NXN: variants seen among roughly 807,000 people sequenced by gnomAD.
The protein encoded by NXN is nucleoredoxin 1.
Under a neutral mutation model 48.6 loss-of-function variants are expected in NXN, and 16 were observed. The ratio of observed to expected loss-of-function variants is 0.33; its 90% CI spans 0.22 to 0.50. The LOEUF (loss-of-function observed/expected upper bound fraction) is 0.50. Among genes scored for constraint, NXN ranks in the 20% least tolerant of loss-of-function variants. NXN has a pLI of 0.98. For missense variants in NXN, 492 were observed against 605.5 expected (o/e 0.81, Z 1.97); for synonymous variants, 281 against 269.6 (o/e 1.04, Z -0.41).
At chr17:850,597 G>A (rs547906868) in intron 1 of NXN, among the ~76,000 whole-genome samples, 3 of 152,142 alleles carry the variant, frequency 2.0e-5, no homozygotes, top group Non-Finnish European at 4.4e-5. Flanking sequence ...GTGGGGCTGG[G>A]GGGCACCCAG....
chr17:974,311 A>G (rs1359401135), intron 1 of NXN, among the ~76,000 whole-genome samples: 1 of 151,918 alleles, frequency 6.6e-6, no homozygotes. Context: ...AGATCGCACC[A>G]CTGCACTCCA....
chr17:893,671 T>A (rs2068448266), intron 1 of NXN, among the ~76,000 whole-genome samples: 1 of 31,354 alleles, frequency 3.2e-5, no homozygotes, highest in Non-Finnish European at 5.8e-5. Context: ...AGAGGAAGCA[T>A]CTCAACTCCC....
chr17:842,501 G>A (rs1361638380), intron 1 of NXN: 27 of 985,216 alleles, frequency 2.7e-5, no homozygotes, highest in Non-Finnish European at 3.1e-5. Flanking sequence ...ATGAACACGG[G>A]GCCGCGTCTC....
chr17:904,522 A>T (rs906598045), intron 1 of NXN, among the ~76,000 whole-genome samples: 6 of 151,940 alleles, frequency 3.9e-5, no homozygotes. Flanking sequence ...ACAGGAACTC[A>T]CCCACATGGC....
intron 1 of NXN, among the ~76,000 whole-genome samples, chr17:946,526 G>T (rs2069045763): frequency 6.6e-6 from 1 of 152,188 alleles, no homozygotes; most frequent in Non-Finnish European, 1.5e-5. Context: ...TCTCCCTCTT[G>T]CAAGAGTCCG....
chr17:812,911 A>G (rs1362715634), intron 5 of NXN, among the ~76,000 whole-genome samples: 1 of 117,476 alleles, frequency 8.5e-6, no homozygotes, highest in Non-Finnish European at 1.8e-5. Flanking sequence ...TGCATGTGTG[A>G]CTGTAGGTGT....
intron 5 of NXN, among the ~76,000 whole-genome samples, chr17:807,566 C>T (rs561984066): frequency 7.9e-5 from 12 of 152,312 alleles, no homozygotes; most frequent in South Asian, 2.1e-4. Flanking sequence ...GACAGCATGG[C>T]GAGGACACGG....
intron 1 of NXN, among the ~76,000 whole-genome samples, chr17:845,500 C>T (rs546448096): frequency 1.4e-4 from 22 of 152,332 alleles, no homozygotes; most frequent in Admixed American, 1.3e-3. Context: ...CCATCATCAC[C>T]CTTACAGGCT....
At chr17:959,287 CA>C in intron 1 of NXN, 1 of 410,126 alleles carries the variant, frequency 2.4e-6, no homozygotes, top group South Asian at 4.8e-5. Flanking sequence ...TCCTGGAATG[CA>C]GGTATCATCA....
At chr17:916,389 C>T (rs2068688789) in intron 1 of NXN, among the ~76,000 whole-genome samples, 1 of 152,092 alleles carries the variant, frequency 6.6e-6, no homozygotes, top group African/African-American at 2.4e-5. Flanking sequence ...GGAAATGAGT[C>T]AAAGTCAAAT....
intron 1 of NXN, among the ~76,000 whole-genome samples, chr17:940,149 T>C (rs1481481375): frequency 5.3e-5 from 8 of 151,334 alleles, no homozygotes; most frequent in Non-Finnish European, 8.9e-5. Flanking sequence ...GGTCTCAGTA[T>C]GTTCCCCAGG....
chr17:858,160 G>A (rs1189022737), intron 1 of NXN, among the ~76,000 whole-genome samples: 1 of 151,588 alleles, frequency 6.6e-6, no homozygotes, highest in African/African-American at 2.4e-5. Flanking sequence ...GTGTAGAGAC[G>A]ACGTTTCACC....
intron 1 of NXN, among the ~76,000 whole-genome samples, chr17:937,246 G>A (rs777546988): frequency 6.6e-6 from 1 of 151,990 alleles, no homozygotes; most frequent in Admixed American, 6.6e-5. Context: ...GGCCTCCCAA[G>A]GTGCTGGGTG....
rs144557329 is a variant in NXN, at chr17:886,679, G to A, written c.361-60601C>T. Among the ~76,000 whole-genome samples the A allele has an allele frequency of 2.5e-3, 381 of 152,124 alleles. 16 individuals are homozygous for A. In the East Asian group the frequency reaches 0.063, roughly 25 times the overall value. On this transcript the variant is annotated intron_variant, in intron 1 of 7. Coordinates refer to ENST00000336868, the MANE Select transcript of NXN (RefSeq NM_022463.5). ...TGTAGTCCCAGCTACTCAGGAGACTGAGGCAGGAGAATCACTTCAACTCGG... is the reference window on the plus strand; with the variant it reads ...TGTAGTCCCAGCTACTCAGGAGACTAAGGCAGGAGAATCACTTCAACTCGG...
At chr17:858,896 C>T (rs2068014318) in intron 1 of NXN, among the ~76,000 whole-genome samples, 1 of 152,166 alleles carries the variant, frequency 6.6e-6, no homozygotes, top group African/African-American at 2.4e-5. Flanking sequence ...CGATTGCCCT[C>T]AGGCTTCTCT....
At position 838,196 on chromosome 17, in the gene NXN, A is replaced by G. The variant is rs186007783; in HGVS notation, c.361-12118T>C. ...GCCCAGGCTGGAGTGCAGTGGCTCG[A>G]TCTCTGCTCACCACAACCTCTGCCT... is the stretch of plus-strand genomic sequence containing the variant. On this transcript the variant is annotated intron_variant, in intron 1 of 7. Transcript: ENST00000336868. Among the ~76,000 whole-genome samples the G allele has an allele frequency of 9.2e-4, 116 of 125,612 alleles. 4 individuals carry two copies. The East Asian group carries it at 0.019, about 21-fold the overall frequency. The allele number at this position is 125,612 out of a possible 152,430, so 82.4% of individuals were successfully genotyped here.
In NXN at chr17:820,899, A is replaced by G. The variant is rs368545325; in HGVS notation, c.714-1354T>C. Among the ~76,000 whole-genome samples, 21 of 65,352 alleles carry G rather than the reference A, an allele frequency of 3.2e-4. 8 individuals are homozygous for G. Among genetic ancestry groups the G allele is most frequent in the African/African-American group, 1.6e-3 (18 of 10,910 alleles). 42.9% of individuals were successfully genotyped at this position (65,352 alleles called of 152,430 possible). On this transcript the variant is annotated intron_variant, in intron 4 of 7. Transcript: ENST00000336868. ...AGATCGCACCACTGCACTCTAGCCT[A>G]GGCAACAGAGCGAGACTCCACCTAA...
At chr17:876,770 G>A (rs1008463453) in intron 1 of NXN, among the ~76,000 whole-genome samples, 4 of 152,122 alleles carry the variant, frequency 2.6e-5, no homozygotes, top group South Asian at 2.1e-4. Context: ...TTGGCCGGGC[G>A]CGGGGGCTCA....
intron 7 of NXN, among the ~76,000 whole-genome samples, chr17:803,353 CA>C (rs1567806568): frequency 6.6e-6 from 1 of 152,202 alleles, no homozygotes; most frequent in African/African-American, 2.4e-5. Context: ...TGTAAAGACT[CA>C]AGGGCCTGGT....
Sources: gnomAD v4.1 joint callset for allele counts (sites outside exome capture counted in the v4.1 genomes callset) on GRCh38, gnomAD v4.1.1 for gene constraint, MANE v1.5 for transcripts, NCBI Gene and HGNC (gene_info 2026-07-23, HGNC 2026-07-21) for gene names.